The following EIF2AK2 variants were observed in gnomAD, a reference collection of about 807,000 sequenced individuals.
The protein encoded by EIF2AK2 is interferon-induced, double-stranded RNA-activated protein kinase.
A neutral mutation model predicts 70.5 loss-of-function variants in EIF2AK2; 40 were observed. That is an observed-to-expected ratio of 0.57 (90% CI 0.44 to 0.74). The LOEUF (loss-of-function observed/expected upper bound fraction) is 0.74, where lower values mean the gene tolerates loss of function less well. Ranked by LOEUF, EIF2AK2 falls within the 30% of genes least tolerant of loss-of-function variation. EIF2AK2 has a pLI of 0.00. For missense variants in EIF2AK2, 555 were observed against 644.3 expected, an observed-to-expected ratio of 0.86 and a Z score of 1.50; for synonymous variants, 198 against 220.9, an observed-to-expected ratio of 0.90 and a Z score of 0.92.
intron 14 of EIF2AK2, 28 bp from the exon 15 acceptor site, chr2:37,109,323 T>C: frequency 6.3e-7 from 1 of 1,591,432 alleles, no homozygotes; most frequent in Non-Finnish European, 8.6e-7. Context: ...GATTTACCTT[T>C]GTTATGCTCC....
intron 13 of EIF2AK2, among the ~76,000 whole-genome samples, chr2:37,115,541 T>C (rs554578815): frequency 6.6e-6 from 1 of 152,272 alleles, no homozygotes; most frequent in East Asian, 1.9e-4. Context: ...ATCCTAATAG[T>C]GTTGTCCAAA....
At position 37,100,623 on chromosome 2, in the gene EIF2AK2, A is replaced by G. The variant is rs1362506369; in HGVS notation, c.*6650T>C. The G allele has an allele frequency of 6.6e-6, 1 of 152,252 alleles. No homozygotes were observed. The highest frequency in any genetic ancestry group is 6.5e-5 in the Admixed American group (1 of 15,280). The allele number at this position is 152,252 out of a possible 1,614,324, so 9.4% of individuals were successfully genotyped here. On this transcript the variant is annotated 3_prime_UTR_variant, in exon 17 of 17. Coordinates refer to ENST00000233057, the MANE Select transcript of EIF2AK2 (RefSeq NM_001135651.3). Reference sequence around the variant, plus strand: ...AAATGTAAGATTTGGATAAGTCATAATCACAGATCAGAAACTGCAGACATT... The same window carrying G: ...AAATGTAAGATTTGGATAAGTCATAGTCACAGATCAGAAACTGCAGACATT...
In EIF2AK2 at chr2:37,114,862, A is replaced by AT; in HGVS notation, c.1249-4dup. ...TCTACTAAGAATATATTACTTGGCT[A>AT]TGAAAAAAAAAAATTTAACTTACAT... On this transcript the variant is annotated splice_polypyrimidine_tract_variant and splice_region_variant and intron_variant, in intron 13 of 16. Coordinates refer to ENST00000233057, the MANE Select transcript of EIF2AK2 (RefSeq NM_001135651.3). 6.5e-7 allele frequency: 1 copy of AT among 1,544,982 alleles called. No individual in the cohort carries two copies. Among genetic ancestry groups the AT allele is most frequent in the Non-Finnish European group, 8.7e-7 (1 of 1,146,426 alleles).
chr2:37,135,415 C>T (rs531776062), intron 10 of EIF2AK2, 69 bp downstream of exon 10: 7 of 1,318,358 alleles, frequency 5.3e-6, no homozygotes, highest in South Asian at 5.2e-5. Context: ...GGCCATTTCA[C>T]AGACAACTAC....
chr2:37,118,559 T>C lies in EIF2AK2; in HGVS notation c.1248+1400A>G, dbSNP rs114520718. ...GCATTTATTTGCAAATTATTTTATA[T>C]AGAAATAATTGTGCTTATTTGTTAT... On this transcript the variant is annotated intron_variant, in intron 13 of 16. Coordinates refer to ENST00000233057, the MANE Select transcript of EIF2AK2 (RefSeq NM_001135651.3). Among the ~76,000 whole-genome samples, 1,111 of 152,354 alleles carry C rather than the reference T, an allele frequency of 7.3e-3. 10 individuals carry two copies. Among genetic ancestry groups the C allele is most frequent in the African/African-American group, 0.025 (1,051 of 41,582 alleles).
At chr2:37,113,000 T>C (rs1208215408) in intron 14 of EIF2AK2, among the ~76,000 whole-genome samples, 1 of 152,226 alleles carries the variant, frequency 6.6e-6, no homozygotes, top group Non-Finnish European at 1.5e-5. Flanking sequence ...AATTAACTGC[T>C]TAACACGTAG....
intron 1 of EIF2AK2, among the ~76,000 whole-genome samples, chr2:37,151,757 C>CA (rs752206950): frequency 2.0e-5 from 3 of 151,980 alleles, no homozygotes; most frequent in South Asian, 2.1e-4. Context: ...TATTCAGTCA[C>CA]AAAAAAAATG....
chr2:37,147,266 C>T (rs1439687687), intron 3 of EIF2AK2, among the ~76,000 whole-genome samples: 3 of 152,122 alleles, frequency 2.0e-5, no homozygotes, highest in Non-Finnish European at 4.4e-5. Flanking sequence ...GCCAGAGTTG[C>T]CATTCCCCCA....
Position 37,110,692 on chromosome 2 carries a change from T to C in EIF2AK2, c.1378-1397A>G, listed in dbSNP as rs547234890. Reference sequence around the variant, plus strand: ...TAGTAGAGATATTTTGAAAGCTGTATTGTCAGCAAAATAATCTTTAACGGG... The same window carrying C: ...TAGTAGAGATATTTTGAAAGCTGTACTGTCAGCAAAATAATCTTTAACGGG... On this transcript the variant is annotated intron_variant, in intron 14 of 16. Transcript: ENST00000233057. Among the ~76,000 whole-genome samples the C allele has an allele frequency of 2.0e-4, 31 of 152,320 alleles. No homozygotes were observed. In the East Asian group the frequency reaches 4.8e-3, roughly 24 times the overall value.
Position 37,131,512 on chromosome 2 carries a change from C to T in EIF2AK2, c.785+3972G>A, listed in dbSNP as rs150305454. ...CATAAGGCGCTCACCTCCATCTCAT[C>T]CTCTCACATGCAAGCCCTACATTCA... On this transcript the variant is annotated intron_variant, in intron 10 of 16. Coordinates refer to ENST00000233057, the MANE Select transcript of EIF2AK2 (RefSeq NM_001135651.3). Among the ~76,000 whole-genome samples the T allele has an allele frequency of 1.9e-3, 285 of 152,280 alleles. 3 individuals carry two copies. Among genetic ancestry groups the T allele is most frequent in the African/African-American group, 6.5e-3 (270 of 41,542 alleles).
At chr2:37,108,850 G>A (rs1404714141) in intron 15 of EIF2AK2, among the ~76,000 whole-genome samples, 1 of 152,228 alleles carries the variant, frequency 6.6e-6, no homozygotes, top group Non-Finnish European at 1.5e-5. Flanking sequence ...TTACAGGGGT[G>A]AGCCACCGCG....
Position 37,126,424 on chromosome 2 carries a change from A to G in EIF2AK2, c.786-13T>C. The G allele has an allele frequency of 6.2e-7, 1 of 1,601,814 alleles. No homozygotes were observed. Among genetic ancestry groups the G allele is most frequent in the Non-Finnish European group, 8.5e-7 (1 of 1,175,530 alleles). On this transcript the variant is annotated splice_polypyrimidine_tract_variant and intron_variant, in intron 10 of 16. Coordinates refer to ENST00000233057, the MANE Select transcript of EIF2AK2 (RefSeq NM_001135651.3). ...ATCCATGCCAAACCTTAAAGATAAA[A>G]ACCACTGTTATTTTGACATTTCATG...
rs921033613 is a variant in EIF2AK2 at position 37,101,609 on chromosome 2, A to G, written c.*5664T>C. ...AAATAAATGAACCAGGATCAAATCCAGCTTCTAGGTCTAACTGGACACTCT... is the reference window on the plus strand; with the variant it reads ...AAATAAATGAACCAGGATCAAATCCGGCTTCTAGGTCTAACTGGACACTCT... On this transcript the variant is annotated 3_prime_UTR_variant, in exon 17 of 17. Transcript: ENST00000233057. 4 of 152,232 alleles carry G rather than the reference A, an allele frequency of 2.6e-5. No homozygotes were observed. Among genetic ancestry groups the G allele is most frequent in the African/African-American group, 7.2e-5 (3 of 41,462 alleles). 9.4% of individuals were successfully genotyped at this position (152,232 alleles called of 1,614,324 possible).
chr2:37,122,932 C>T (rs565727073), intron 11 of EIF2AK2, among the ~76,000 whole-genome samples: 66 of 152,162 alleles, frequency 4.3e-4, no homozygotes, highest in Non-Finnish European at 7.9e-4. Flanking sequence ...CTTTGGGAGG[C>T]GAAGGTGGGC....
At chr2:37,141,925 T>C (rs187481991) in intron 4 of EIF2AK2, among the ~76,000 whole-genome samples, 1 of 152,342 alleles carries the variant, frequency 6.6e-6, no homozygotes, top group East Asian at 1.9e-4. Context: ...AAGTCACTTT[T>C]TCTTGTTTGT....
intron 10 of EIF2AK2, among the ~76,000 whole-genome samples, chr2:37,128,438 T>C (rs1160574634): frequency 2.6e-5 from 4 of 152,196 alleles, no homozygotes; most frequent in African/African-American, 9.6e-5. Flanking sequence ...CTTGTATAGA[T>C]GTCAGAGAAA....
intron 1 of EIF2AK2, among the ~76,000 whole-genome samples, chr2:37,153,337 C>CTCTTTTTTTTTTTTTTTTT: frequency 9.1e-6 from 1 of 109,866 alleles, no homozygotes; most frequent in Non-Finnish European, 1.8e-5. Flanking sequence ...CTCTGCTAAT[C>CTCTTTTTTTTTTTTTTTTT]TTTTTTTTTT....
intron 9 of EIF2AK2, chr2:37,136,749 A>T (rs1168111037): frequency 6.4e-6 from 2 of 312,776 alleles, no homozygotes; most frequent in Non-Finnish European, 1.2e-5. Context: ...TAATGCCCTT[A>T]ACCTAATTAC....
intron 13 of EIF2AK2, among the ~76,000 whole-genome samples, chr2:37,115,890 G>A (rs771930730): frequency 6.6e-6 from 1 of 151,530 alleles, no homozygotes; most frequent in African/African-American, 2.4e-5. Context: ...TTTTAAGGGA[G>A]GTGTTTTGTT....
Sources: gnomAD v4.1 joint callset for allele counts (sites outside exome capture counted in the v4.1 genomes callset) on GRCh38, gnomAD v4.1.1 for gene constraint, MANE v1.5 for transcripts, NCBI Gene and HGNC (gene_info 2026-07-23, HGNC 2026-07-21) for gene names.